GAD2: variants seen among roughly 807,000 people sequenced by gnomAD.
The protein encoded by GAD2 is glutamate decarboxylase 2, also known as 65 kDa glutamic acid decarboxylase.
A neutral mutation model predicts 80.1 loss-of-function variants in GAD2; 22 were observed. The ratio of observed to expected loss-of-function variants is 0.27; its 90% CI spans 0.20 to 0.39. GAD2 has a LOEUF of 0.39. Ranked by LOEUF, GAD2 falls within the 10% of genes least tolerant of loss-of-function variation. GAD2 has a pLI of 1.00. For synonymous variants in GAD2, 274 were observed against 256.9 expected (o/e 1.07, Z -0.64); for missense variants, 624 against 738.4 (o/e 0.85, Z 1.80).
At chr10:26,275,036 C>A (rs1845182623) in intron 11 of GAD2, among the ~76,000 whole-genome samples, 1 of 152,216 alleles carries the variant, frequency 6.6e-6, no homozygotes, top group Admixed American at 6.5e-5. Context: ...GGCCTCTGCT[C>A]TTGGACCCTT....
At chr10:26,274,700 G>T (rs1413472248) in intron 11 of GAD2, among the ~76,000 whole-genome samples, 1 of 152,250 alleles carries the variant, frequency 6.6e-6, no homozygotes, top group Non-Finnish European at 1.5e-5. Context: ...GGCCAGAGTG[G>T]CTGTGCAGAG....
In GAD2 at chr10:26,294,802, C is replaced by T. The variant is rs151316634; in HGVS notation, c.1584+1811C>T. Among the ~76,000 whole-genome samples, 232 of 152,160 alleles carry T rather than the reference C, an allele frequency of 1.5e-3. 1 individual carries two copies. Among genetic ancestry groups the T allele is most frequent in the African/African-American group, 5.5e-3 (227 of 41,518 alleles). The stretch of plus-strand genomic sequence containing the variant: ...AGATGATCGGTGCAGGCAATAACAA[C>T]GAGAATAGGGGGTGCGGGTGTCTGC... On this transcript the variant is annotated intron_variant, in intron 15 of 15. Coordinates refer to ENST00000376261, the MANE Select transcript of GAD2 (RefSeq NM_001134366.2).
chr10:26,290,773 A>G (rs1445214544), intron 13 of GAD2, among the ~76,000 whole-genome samples: 1 of 152,242 alleles, frequency 6.6e-6, no homozygotes, highest in Non-Finnish European at 1.5e-5. Flanking sequence ...AGATTGCTGA[A>G]GTATTTAATG....
chr10:26,221,123 C>T (rs139016837), intron 4 of GAD2, among the ~76,000 whole-genome samples: 279 of 152,348 alleles, frequency 1.8e-3, no homozygotes, highest in African/African-American at 5.4e-3. Context: ...TTTCTCTATT[C>T]AGCTGGCAAC....
intron 7 of GAD2, among the ~76,000 whole-genome samples, chr10:26,232,469 C>CTTTTT (rs60636223): frequency 1.3e-4 from 13 of 101,424 alleles, no homozygotes; most frequent in Non-Finnish European, 2.1e-4. Context: ...ACTCAGTCTA[C>CTTTTT]TTTTTTTTTT....
At chr10:26,233,986 C>T (rs1049405737) in intron 7 of GAD2, among the ~76,000 whole-genome samples, 1 of 152,112 alleles carries the variant, frequency 6.6e-6, no homozygotes, top group Non-Finnish European at 1.5e-5. Flanking sequence ...GCCTCAGTGC[C>T]TGGGACACAG....
In GAD2 at chr10:26,224,558, C is replaced by G. The variant is rs1844497326; in HGVS notation, c.631C>G (p.Pro211Ala). The G allele has an allele frequency of 3.7e-6, 6 of 1,612,966 alleles. No individual in the cohort carries two copies. Among genetic ancestry groups the G allele is most frequent in the African/African-American group, 2.7e-5 (2 of 74,902 alleles). The change falls in exon 6 of 16, where the codon CCA (proline) becomes GCA (alanine). Residue 211 changes from proline (P) to alanine (A), a missense_variant. Pro to Ala is a conservative substitution (Grantham distance 27). Transcript: ENST00000376261. Reference sequence around the variant, plus strand: ...TTTCAGGTTCACCTATGAAATTGCTCCAGTATTTGTGCTTTTGGAATATGT... The same window carrying G: ...TTTCAGGTTCACCTATGAAATTGCTGCAGTATTTGTGCTTTTGGAATATGT... Reference protein sequence around the residue: ...NTNMFTYEIAPVFVLLEYVTL... With the variant: ...NTNMFTYEIAAVFVLLEYVTL...
chr10:26,272,296 G>A (rs1845146002), intron 10 of GAD2, among the ~76,000 whole-genome samples: 1 of 152,244 alleles, frequency 6.6e-6, no homozygotes, highest in East Asian at 1.9e-4. Flanking sequence ...TGGAAATCCT[G>A]GTAGACCTTG....
intron 7 of GAD2, among the ~76,000 whole-genome samples, 187 bp downstream of exon 7, chr10:26,229,964 C>G (rs1253134632): frequency 2.0e-5 from 3 of 152,026 alleles, no homozygotes; most frequent in Non-Finnish European, 4.4e-5. Flanking sequence ...CAGGAAAACC[C>G]TCAAAGATAA....
At chr10:26,284,564 C>CTTTTTTTTTT (rs35046451) in intron 12 of GAD2, among the ~76,000 whole-genome samples, 1 of 93,156 alleles carries the variant, frequency 1.1e-5, no homozygotes, top group African/African-American at 3.9e-5. Context: ...GGCTGTTCAG[C>CTTTTTTTTTT]TTTTTTTTTT....
intron 8 of GAD2, among the ~76,000 whole-genome samples, chr10:26,262,604 G>A (rs1396736239): frequency 6.6e-6 from 1 of 151,706 alleles, no homozygotes; most frequent in Non-Finnish European, 1.5e-5. Flanking sequence ...TGTTTCCCTA[G>A]CTTTTTTGGA....
intron 13 of GAD2, among the ~76,000 whole-genome samples, chr10:26,289,544 AC>A (rs903925962): frequency 5.3e-5 from 8 of 151,672 alleles, no homozygotes; most frequent in African/African-American, 1.9e-4. Context: ...AAAAAATAAG[AC>A]CCCTGATTTA....
intron 13 of GAD2, among the ~76,000 whole-genome samples, chr10:26,288,889 G>A (rs1346031290): frequency 6.6e-6 from 1 of 152,090 alleles, no homozygotes; most frequent in Non-Finnish European, 1.5e-5. Context: ...GGTGTGAATC[G>A]AACAGCAGGA....
chr10:26,236,269 C>A (rs1844670148), intron 7 of GAD2, among the ~76,000 whole-genome samples: 1 of 151,920 alleles, frequency 6.6e-6, no homozygotes, highest in Non-Finnish European at 1.5e-5. Flanking sequence ...TGAGCCACCA[C>A]ATCTTCAGAA....
chr10:26,246,762 C>G (rs1844815224), intron 8 of GAD2, among the ~76,000 whole-genome samples: 1 of 152,138 alleles, frequency 6.6e-6, no homozygotes, highest in African/African-American at 2.4e-5. Flanking sequence ...AGGATGTGAG[C>G]TAGGTGGGAA....
intron 6 of GAD2, among the ~76,000 whole-genome samples, chr10:26,226,507 T>C (rs1844525312): frequency 6.6e-6 from 1 of 152,226 alleles, no homozygotes; most frequent in South Asian, 2.1e-4. Context: ...CATTGCAACC[T>C]GTTTCTGCTC....
At position 26,270,501 on chromosome 10, in the gene GAD2, G is replaced by A. The variant is rs1845122182; in HGVS notation, c.976-139G>A. On this transcript the variant is annotated intron_variant, in intron 9 of 15. Transcript: ENST00000376261. ...TGAACATCAATTTGTCCCAGACCCC[G>A]GGGTGTCAGTAACTCTGCTGCTGCT... 30 of 704,404 alleles carry A rather than the reference G, an allele frequency of 4.3e-5. No homozygotes were observed. In the East Asian group the frequency reaches 6.3e-4, roughly 15 times the overall value. 43.6% of individuals were successfully genotyped at this position (704,404 alleles called of 1,614,324 possible).
chr10:26,228,723 A>C (rs1197119342), intron 6 of GAD2, among the ~76,000 whole-genome samples: 1 of 152,194 alleles, frequency 6.6e-6, no homozygotes, highest in Non-Finnish European at 1.5e-5. Context: ...TCTAGGTTGC[A>C]TGCTCCTTAC....
At position 26,273,791 on chromosome 10, in the gene GAD2, A is replaced by C. The variant is rs181930468; in HGVS notation, c.1157+91A>C. ...GTCAATTTCCAGGAACTTTTGGAAT[A>C]CTGAGTGAACTCACTCTATTCAGTG... On this transcript the variant is annotated intron_variant, in intron 11 of 15. Transcript: ENST00000376261. The C allele has an allele frequency of 1.1e-4, 111 of 1,020,464 alleles. No individual in the cohort carries two copies. The African/African-American group carries it at 1.6e-3, about 15-fold the overall frequency. 63.2% of individuals were successfully genotyped at this position (1,020,464 alleles called of 1,614,324 possible).
Sources: gnomAD v4.1 joint callset for allele counts (sites outside exome capture counted in the v4.1 genomes callset) on GRCh38, gnomAD v4.1.1 for gene constraint, MANE v1.5 for transcripts, NCBI Gene and HGNC (gene_info 2026-07-23, HGNC 2026-07-21) for gene names.